HFM1: variants seen among roughly 807,000 people sequenced by gnomAD.
The protein encoded by HFM1 is helicase for meiosis 1.
Under a neutral mutation model 192.1 loss-of-function variants are expected in HFM1, and 169 were observed. The ratio of observed to expected loss-of-function variants is 0.88; its 90% CI spans 0.78 to 1.00. The LOEUF is 1.00. HFM1 is among the 50% of genes least tolerant of loss of function. The pLI, the probability that HFM1 is intolerant of heterozygous loss-of-function variation, is 0.00. For missense variants in HFM1, 1,661 were observed against 1,668.0 expected (o/e 1.00, Z 0.07); for synonymous variants, 525 against 537.8 (o/e 0.98, Z 0.33).
chr1:91,272,437 G>A (rs965759298), intron 34 of HFM1, among the ~76,000 whole-genome samples: 4 of 152,058 alleles, frequency 2.6e-5, no homozygotes, highest in African/African-American at 9.7e-5. Context: ...AAAGTATCTA[G>A]ATGAGACTTT....
At chr1:91,349,992 A>C (rs1656715472) in intron 18 of HFM1, among the ~76,000 whole-genome samples, 1 of 152,218 alleles carries the variant, frequency 6.6e-6, no homozygotes, top group African/African-American at 2.4e-5. Flanking sequence ...GAATTGAACA[A>C]CTGTGTGGGT....
intron 20 of HFM1, among the ~76,000 whole-genome samples, chr1:91,329,861 A>G (rs1428467315): frequency 1.3e-5 from 2 of 152,218 alleles, no homozygotes; most frequent in African/African-American, 4.8e-5. Context: ...AAAGATGTAC[A>G]AAAATGATTT....
intron 36 of HFM1, 36 bp downstream of exon 36, chr1:91,265,981 G>A: frequency 6.3e-7 from 1 of 1,584,584 alleles, no homozygotes; most frequent in Non-Finnish European, 8.5e-7. Context: ...GGGATATAAA[G>A]TTGCAAATAT....
At chr1:91,287,981 C>T (rs368506484) in intron 30 of HFM1, among the ~76,000 whole-genome samples, 16 of 151,778 alleles carry the variant, frequency 1.1e-4, no homozygotes, top group African/African-American at 2.7e-4. Context: ...TAAAAAGAAA[C>T]GAGCAAAGCC....
At chr1:91,391,407 T>C (rs543149683) in intron 4 of HFM1, among the ~76,000 whole-genome samples, 1 of 152,292 alleles carries the variant, frequency 6.6e-6, no homozygotes, top group East Asian at 1.9e-4. Context: ...AACAGAGATA[T>C]AGACCAACAG....
upstream of HFM1, among the ~76,000 whole-genome samples, chr1:91,407,130 C>T (rs867324587): frequency 4.6e-5 from 7 of 152,112 alleles, no homozygotes; most frequent in South Asian, 2.1e-4. Context: ...TTATCCATAC[C>T]CAAAACTTTT....
chr1:91,368,828 A>G (rs1659752824), intron 13 of HFM1, among the ~76,000 whole-genome samples: 1 of 152,222 alleles, frequency 6.6e-6, no homozygotes, highest in Non-Finnish European at 1.5e-5. Flanking sequence ...GTTAAGACCC[A>G]TCAGTGTGCT....
chr1:91,315,178 C>T (rs1192264277), intron 28 of HFM1, among the ~76,000 whole-genome samples: 1 of 152,190 alleles, frequency 6.6e-6, no homozygotes, highest in African/African-American at 2.4e-5. Context: ...AGAATACGGA[C>T]AGCACCTGTC....
In HFM1 at chr1:91,385,591, T is replaced by A. The variant is rs972596862; in HGVS notation, c.738A>T (p.Gln246His). 1 of 1,612,406 alleles carries A rather than the reference T, an allele frequency of 6.2e-7. No individual in the cohort carries two copies. Among genetic ancestry groups the A allele is most frequent in the South Asian group, 1.1e-5 (1 of 91,026 alleles). ...FKAPSFSVAFQPHDIQEVTEN... is the reference protein window; with the variant it reads ...FKAPSFSVAFHPHDIQEVTEN... ...AGAAATTACCTTGAATATCATGAGGTTGGAAAGCAACTGAAAAAGATGGTG... is the reference window on the plus strand; with the variant it reads ...AGAAATTACCTTGAATATCATGAGGATGGAAAGCAACTGAAAAAGATGGTG... The change falls in exon 5 of 39, where the codon CAA becomes CAT. Residue 246 changes from glutamine (Q) to histidine (H), a missense_variant. Gln to His is a conservative substitution (Grantham distance 24). Coordinates refer to ENST00000370425, the MANE Select transcript of HFM1 (RefSeq NM_001017975.6).
intron 34 of HFM1, among the ~76,000 whole-genome samples, chr1:91,271,537 G>A (rs1274441561): frequency 2.6e-5 from 4 of 152,118 alleles, no homozygotes; most frequent in African/African-American, 9.7e-5. Context: ...GAAAGACACA[G>A]TGGAGAGGAA....
In HFM1 at chr1:91,316,418, T is replaced by C; in HGVS notation, c.2871A>G (p.Glu957=). Residue 957 remains glutamate, a synonymous_variant, in exon 26 of 39, where the codon GAA becomes GAG. Transcript: ENST00000370425. ...NAGLTSFKKI[E]ETDARELELI... ...ATTCAAGTTCCCTTGCATCTGTCTCTTCTATTTTTTTAAAGGAAGTCAAAC... is the reference window on the plus strand; with the variant it reads ...ATTCAAGTTCCCTTGCATCTGTCTCCTCTATTTTTTTAAAGGAAGTCAAAC... 1 of 1,578,388 alleles carries C rather than the reference T, an allele frequency of 6.3e-7. No homozygotes were observed. The highest frequency in any genetic ancestry group is 8.6e-7 in the Non-Finnish European group (1 of 1,157,136).
chr1:91,344,659 T>C (rs1484909307), intron 19 of HFM1, among the ~76,000 whole-genome samples: 10 of 398 alleles, frequency 0.025, no homozygotes. Flanking sequence ...CTATATAGAA[T>C]GACTGTGTAA....
chr1:91,309,862 A>G (rs750096658), intron 30 of HFM1, among the ~76,000 whole-genome samples: 4 of 151,962 alleles, frequency 2.6e-5, no homozygotes, highest in Non-Finnish European at 5.9e-5. Flanking sequence ...AAAATCTAAG[A>G]GACCATAATC....
intron 13 of HFM1, among the ~76,000 whole-genome samples, chr1:91,368,028 G>T (rs890859289): frequency 6.6e-6 from 1 of 152,090 alleles, no homozygotes; most frequent in Non-Finnish European, 1.5e-5. Context: ...TAAATGAAAT[G>T]AAGTGAGAAG....
At chr1:91,398,193 C>A (rs1449964724) in intron 2 of HFM1, among the ~76,000 whole-genome samples, 2 of 152,136 alleles carry the variant, frequency 1.3e-5, no homozygotes, top group African/African-American at 2.4e-5. Flanking sequence ...TTCAGAAAAC[C>A]TAAGAAAGAG....
intron 25 of HFM1, 72 bp downstream of exon 25, chr1:91,319,006 T>C (rs1478008445): frequency 7.1e-7 from 1 of 1,412,850 alleles, no homozygotes; most frequent in East Asian, 2.3e-5. Context: ...CATCACAGAA[T>C]AATTTTACTA....
At chr1:91,334,148 A>G (rs927531588) in intron 20 of HFM1, among the ~76,000 whole-genome samples, 2 of 152,198 alleles carry the variant, frequency 1.3e-5, no homozygotes, top group Non-Finnish European at 2.9e-5. Flanking sequence ...TGATGGCTGG[A>G]AAAACATATG....
intron 30 of HFM1, among the ~76,000 whole-genome samples, chr1:91,311,822 G>T (rs935978491): frequency 2.0e-5 from 3 of 152,186 alleles, no homozygotes; most frequent in South Asian, 2.1e-4. Flanking sequence ...TCTATCACAG[G>T]CCTGGAGGCC....
At chr1:91,310,256 C>T (rs533938943) in intron 30 of HFM1, among the ~76,000 whole-genome samples, 19 of 151,550 alleles carry the variant, frequency 1.3e-4, no homozygotes, top group African/African-American at 2.9e-4. Context: ...GGAAATAATA[C>T]GATATCTAAA....
Sources: gnomAD v4.1 joint callset for allele counts (sites outside exome capture counted in the v4.1 genomes callset) on GRCh38, gnomAD v4.1.1 for gene constraint, MANE v1.5 for transcripts, NCBI Gene and HGNC (gene_info 2026-07-23, HGNC 2026-07-21) for gene names.